Variants in RTTN observed in about 807,000 individuals in gnomAD.
RTTN encodes the protein rotatin.
Under a neutral mutation model 269.2 loss-of-function variants are expected in RTTN, and 182 were observed. That is an observed-to-expected ratio of 0.68 (90% CI 0.60 to 0.76). The LOEUF is 0.76. RTTN is among the 30% of genes least tolerant of loss of function. RTTN has a pLI of 0.00. For missense variants in RTTN, 2,545 were observed against 2,608.6 expected, an observed-to-expected ratio of 0.98 and a Z score of 0.53; for synonymous variants, 1,006 against 963.5, an observed-to-expected ratio of 1.04 and a Z score of -0.82.
chr18:70,076,204 AAAGC>A (rs2058426019), intron 32 of RTTN, among the ~76,000 whole-genome samples: 1 of 152,090 alleles, frequency 6.6e-6, no homozygotes, highest in Non-Finnish European at 1.5e-5. Context: ...CTAATAGCAA[AAAGC>A]AAGCAATGAG....
At chr18:70,066,216 A>G (rs1200401280) in intron 34 of RTTN, among the ~76,000 whole-genome samples, 1 of 152,208 alleles carries the variant, frequency 6.6e-6, no homozygotes, top group East Asian at 1.9e-4. Context: ...TCATTGCCCA[A>G]ATGTTAGAAA....
rs767007502 is a variant in RTTN at position 70,086,610 on chromosome 18, C to T, written c.4374+3G>A. On this transcript the variant is annotated splice_donor_region_variant and intron_variant, in intron 32 of 48. Coordinates refer to ENST00000640769, the MANE Select transcript of RTTN (RefSeq NM_173630.4). ...AGGTTGATAATTGTTTAAAATCACC[C>T]ACCTGCCAAGTATAATCCTTTATAA... The T allele has an allele frequency of 1.3e-6, 2 of 1,561,488 alleles. No homozygotes were observed. The highest frequency in any genetic ancestry group is 2.9e-5 in the African/African-American group (2 of 69,810).
At chr18:70,172,403 A>T (rs1052146447) in intron 11 of RTTN, among the ~76,000 whole-genome samples, 4 of 152,204 alleles carry the variant, frequency 2.6e-5, no homozygotes, top group African/African-American at 9.7e-5. Flanking sequence ...TACTTCAATT[A>T]TTAGTGGGCT....
intron 32 of RTTN, among the ~76,000 whole-genome samples, chr18:70,080,772 C>T (rs1009729330): frequency 2.0e-5 from 3 of 152,168 alleles, no homozygotes; most frequent in African/African-American, 4.8e-5. Context: ...ATTCAGCAAT[C>T]CCACTACTGG....
At chr18:70,060,118 T>C (rs764654042) in intron 35 of RTTN, 76 bp from the exon 36 acceptor site, 58 of 1,231,348 alleles carry the variant, frequency 4.7e-5, no homozygotes, top group Admixed American at 8.1e-5. Flanking sequence ...CTTATAATCA[T>C]AGGAAAGTTC....
In RTTN at chr18:70,017,570, T is replaced by C. The variant is rs375873614; in HGVS notation, c.6258A>G (p.Ser2086=). The C allele has an allele frequency of 6.2e-7, 1 of 1,614,028 alleles. No individual in the cohort carries two copies. Among genetic ancestry groups the C allele is most frequent in the Non-Finnish European group, 8.5e-7 (1 of 1,179,930 alleles). The change falls in exon 46 of 49, where the codon TCA becomes TCG. Residue 2086 remains serine (S), a synonymous_variant. Coordinates refer to ENST00000640769, the MANE Select transcript of RTTN (RefSeq NM_173630.4). ...ILWLKLLLNI[S]SGEDGQQMIL... ...TCATTTGTTGCCCATCTTCTCCAGATGATATATTCAGGAGTAACTTCAACC... is the reference window on the plus strand; with the variant it reads ...TCATTTGTTGCCCATCTTCTCCAGACGATATATTCAGGAGTAACTTCAACC...
At chr18:70,145,349 T>A (rs765867555) in intron 18 of RTTN, among the ~76,000 whole-genome samples, 3 of 152,086 alleles carry the variant, frequency 2.0e-5, no homozygotes, top group Non-Finnish European at 2.9e-5. Context: ...ACTTGAATCA[T>A]CCCAAAACAA....
intron 40 of RTTN, among the ~76,000 whole-genome samples, chr18:70,047,086 C>T (rs889557182): frequency 1.6e-4 from 25 of 152,112 alleles, no homozygotes; most frequent in South Asian, 2.1e-4. Flanking sequence ...GGGACTATAA[C>T]AAATCAGCAC....
chr18:70,164,878 G>A (rs542803885), intron 14 of RTTN, among the ~76,000 whole-genome samples: 4 of 152,036 alleles, frequency 2.6e-5, no homozygotes, highest in South Asian at 2.1e-4. Context: ...TAATGAAACC[G>A]CAGGGCACCA....
chr18:70,138,904 A>C (rs1442604007), intron 21 of RTTN: 1 of 152,100 alleles, frequency 6.6e-6, no homozygotes, highest in African/African-American at 2.4e-5. Flanking sequence ...CAGCACATTC[A>C]GATGATTCTA....
At chr18:70,174,740 G>A (rs1254848607) in intron 11 of RTTN, among the ~76,000 whole-genome samples, 1 of 151,472 alleles carries the variant, frequency 6.6e-6, no homozygotes, top group Non-Finnish European at 1.5e-5. Context: ...GAATAAACAG[G>A]CCAGGTGCAG....
At position 70,012,431 on chromosome 18, in the gene RTTN, T is replaced by C. The variant is rs557544062; in HGVS notation, c.6421+4976A>G. Among the ~76,000 whole-genome samples, 402 of 144,066 alleles carry C rather than the reference T, an allele frequency of 2.8e-3. 1 individual carries two copies. The highest frequency in any genetic ancestry group is 9.7e-3 in the African/African-American group (372 of 38,266). The allele number at this position is 144,066 out of a possible 152,430, so 94.5% of individuals were successfully genotyped here. On this transcript the variant is annotated intron_variant, in intron 46 of 48. Coordinates refer to ENST00000640769, the MANE Select transcript of RTTN (RefSeq NM_173630.4). ...TCCTGGTATTGGTTAGAGGGCAGCG[T>C]CTGCTCACTGGTATTGGTTACAGGG...
At chr18:70,168,715 T>G in intron 12 of RTTN, 140 bp downstream of exon 12, 1 of 611,416 alleles carries the variant, frequency 1.6e-6, no homozygotes. Flanking sequence ...AAATAACAGG[T>G]TATGTATAAT....
chr18:70,184,138 C>T (rs2061480220), intron 10 of RTTN, among the ~76,000 whole-genome samples: 1 of 152,224 alleles, frequency 6.6e-6, no homozygotes, highest in African/African-American at 2.4e-5. Flanking sequence ...AATTACTACA[C>T]ATATCAAATA....
intron 14 of RTTN, among the ~76,000 whole-genome samples, chr18:70,161,924 G>A (rs8093728): frequency 0.8 from 122,330 of 152,176 alleles, 52,829 homozygotes; most frequent in East Asian, 1. Context: ...ATTTAAATTA[G>A]TTCAGTCACT....
intron 28 of RTTN, among the ~76,000 whole-genome samples, chr18:70,107,683 A>T (rs761376822): frequency 2.1e-4 from 32 of 152,212 alleles, no homozygotes; most frequent in Non-Finnish European, 4.0e-4. Flanking sequence ...GGAGATAATA[A>T]ATATTGGCAG....
intron 14 of RTTN, among the ~76,000 whole-genome samples, chr18:70,151,097 G>GA (rs2060524978): frequency 1.3e-5 from 2 of 149,684 alleles, no homozygotes; most frequent in South Asian, 4.2e-4. Context: ...AATTCAACAT[G>GA]AAAAGACTTC....
intron 34 of RTTN, among the ~76,000 whole-genome samples, chr18:70,073,254 T>C (rs1183613694): frequency 6.6e-6 from 1 of 152,110 alleles, no homozygotes; most frequent in Non-Finnish European, 1.5e-5. Flanking sequence ...TCCTTATAAA[T>C]ACTCAGTGTT....
chr18:70,041,194 A>G (rs1034764287), intron 40 of RTTN, among the ~76,000 whole-genome samples: 8 of 152,024 alleles, frequency 5.3e-5, no homozygotes, highest in Non-Finnish European at 1.0e-4. Flanking sequence ...TGGGTGACAG[A>G]GTGAGACTCT....
Sources: allele counts gnomAD v4.1 joint callset (sites outside exome capture counted in the v4.1 genomes callset), GRCh38; gene constraint gnomAD v4.1.1; transcripts MANE v1.5; gene names NCBI Gene and HGNC (gene_info 2026-07-23, HGNC 2026-07-21).